The following ANKRD24 variants were observed in gnomAD, a reference collection of about 807,000 sequenced individuals.
The protein encoded by ANKRD24 is ankyrin repeat domain 24.
Under a neutral mutation model 127.8 loss-of-function variants are expected in ANKRD24, and 109 were observed. The ratio of observed to expected loss-of-function variants is 0.85; its 90% CI spans 0.73 to 1.00. ANKRD24 has a LOEUF of 1.00. Ranked by LOEUF, ANKRD24 falls within the 50% of genes least tolerant of loss-of-function variation. The probability of loss-of-function intolerance (pLI) is 0.00; values close to 1 mark genes in which losing one functional copy is unlikely to be tolerated. For synonymous variants in ANKRD24, 743 were observed against 671.1 expected (o/e 1.11, Z -1.66); for missense variants, 1,648 against 1,570.2 (o/e 1.05, Z -0.84).
chr19:4,200,626 C>G (rs772266118), intron 5 of ANKRD24, among the ~76,000 whole-genome samples: 2 of 152,032 alleles, frequency 1.3e-5, no homozygotes, highest in Non-Finnish European at 2.9e-5. Flanking sequence ...CTCAAGGGAT[C>G]CCCTCCAACC....
chr19:4,184,960 A>G (rs565661431), intron 1 of ANKRD24, among the ~76,000 whole-genome samples: 89 of 99,232 alleles, frequency 9.0e-4, no homozygotes, highest in African/African-American at 2.7e-3. Context: ...GGGTGGGTGG[A>G]TGGATGCACT....
Position 4,224,651 on chromosome 19 carries a change from C to A in ANKRD24, c.*146C>A. 1 of 752,396 alleles carries A rather than the reference C, an allele frequency of 1.3e-6. No individual in the cohort carries two copies. Among genetic ancestry groups the A allele is most frequent in the South Asian group, 1.7e-5 (1 of 59,428 alleles). The allele number at this position is 752,396 out of a possible 1,614,324, so 46.6% of individuals were successfully genotyped here. ...GAGACCAGCCTGGTTCCCTGCCCGA[C>A]CACCCCCAGCTGGCTCCATCACCCC... On this transcript the variant is annotated 3_prime_UTR_variant, in exon 22 of 22. Coordinates refer to ENST00000318934, the MANE Select transcript of ANKRD24 (RefSeq NM_001393985.1).
chr19:4,212,732 G>A (rs999202986), intron 15 of ANKRD24, 34 bp downstream of exon 15: 7 of 1,537,958 alleles, frequency 4.6e-6, no homozygotes, highest in Non-Finnish European at 2.6e-6. Flanking sequence ...CTGGGCTGGG[G>A]CTGGGTCGGG....
intron 7 of ANKRD24, among the ~76,000 whole-genome samples, chr19:4,205,324 T>C (rs908936511): frequency 3.9e-5 from 6 of 152,226 alleles, no homozygotes; most frequent in African/African-American, 1.4e-4. Flanking sequence ...AGATAAGGTT[T>C]GCAGCAATCA....
At chr19:4,196,512 T>C (rs1968750473) in intron 2 of ANKRD24, among the ~76,000 whole-genome samples, 1 of 152,120 alleles carries the variant, frequency 6.6e-6, no homozygotes, top group African/African-American at 2.4e-5. Context: ...GTAGCTGAGA[T>C]TACAGGCGCC....
Position 4,222,792 on chromosome 19 carries a change from G to T in ANKRD24, c.3294G>T (p.Leu1098=), listed in dbSNP as rs368547551. The change falls in exon 20 of 22, where the codon CTG becomes CTT. Residue 1098 remains leucine (L), a synonymous_variant. Transcript: ENST00000318934. ...RDQVKDLQQQ[L]QEAARDHSSV... is the part of the protein sequence containing the mutation. ...AGGTGAAGGATTTACAGCAGCAGCT[G>T]CAGGTAAGGACTGGGCCACGCAGGG... 6.2e-7 allele frequency: 1 copy of T among 1,607,106 alleles called. No homozygotes were observed. Among genetic ancestry groups the T allele is most frequent in the East Asian group, 2.2e-5 (1 of 44,570 alleles).
At chr19:4,194,974 A>T (rs1968615151) in intron 2 of ANKRD24, among the ~76,000 whole-genome samples, 1 of 150,212 alleles carries the variant, frequency 6.7e-6, no homozygotes, top group African/African-American at 2.4e-5. Flanking sequence ...TGATTGATTG[A>T]TTGATTTTTT....
intron 1 of ANKRD24, among the ~76,000 whole-genome samples, chr19:4,185,640 A>G (rs1381923975): frequency 1.3e-5 from 2 of 152,182 alleles, no homozygotes; most frequent in Non-Finnish European, 2.9e-5. Context: ...CCCACACTCA[A>G]CGTCACACAC....
intron 2 of ANKRD24, among the ~76,000 whole-genome samples, chr19:4,193,334 A>G (rs1481343886): frequency 2.0e-5 from 3 of 151,570 alleles, no homozygotes; most frequent in African/African-American, 7.3e-5. Context: ...TGAAGGAAAA[A>G]TATAGCTAAA....
chr19:4,224,325 GTGCAT>G (rs1207261247), intron 21 of ANKRD24, 98 bp from the exon 22 acceptor site: 18 of 1,436,516 alleles, frequency 1.3e-5, no homozygotes, highest in Admixed American at 1.9e-5. Context: ...GCCCCCCTGT[GTGCAT>G]TTCCCTCCTG....
chr19:4,216,071 G>A (rs750693166), intron 16 of ANKRD24, 21 bp downstream of exon 16: 104 of 1,575,140 alleles, frequency 6.6e-5, no homozygotes, highest in South Asian at 7.0e-5. Flanking sequence ...ACCTCCCCAC[G>A]CACTCCCAGC....
rs1376325235 is a variant in ANKRD24 at position 4,199,479 on chromosome 19, TG to T, written c.37-201del. On this transcript the variant is annotated intron_variant, in intron 2 of 21. Transcript: ENST00000318934. This position sits in a 1 kb window ranked among gnomAD's most constrained non-coding sequence, Gnocchi z 5.2. The stretch of plus-strand genomic sequence containing the variant: ...CTCCCACCTTGGCCTCCCCAGATGC[TG>T]GGACTACAGGCGTGAGCCTCCATGC... 1.0e-6 allele frequency: 1 copy of T among 984,884 alleles called. No individual in the cohort carries two copies. The highest frequency in any genetic ancestry group is 1.7e-5 in the African/African-American group (1 of 57,244). The allele number at this position is 984,884 out of a possible 1,614,324, so 61.0% of individuals were successfully genotyped here. A position where few individuals can be genotyped will look rare whatever the true frequency, so the allele number is the denominator to read the frequency against.
intron 2 of ANKRD24, among the ~76,000 whole-genome samples, chr19:4,189,089 C>CG (rs1455722979): frequency 6.6e-6 from 1 of 152,088 alleles, no homozygotes; most frequent in Admixed American, 6.6e-5. Flanking sequence ...GAATTACAGG[C>CG]GTGAGCCACT....
chr19:4,220,301 G>T (rs115314832), intron 19 of ANKRD24, among the ~76,000 whole-genome samples: 11,655 of 152,078 alleles, frequency 0.077, 1,305 homozygotes, highest in African/African-American at 0.25. Flanking sequence ...AGTGCTTACT[G>T]CATGCCAGGC....
At chr19:4,186,134 C>A in intron 1 of ANKRD24, 1 of 675,074 alleles carries the variant, frequency 1.5e-6, no homozygotes, top group Non-Finnish European at 2.2e-6. Flanking sequence ...AGGGACCATG[C>A]TGAAAACTGA....
In ANKRD24 at chr19:4,216,711, G is replaced by A; in HGVS notation, c.1551G>A (p.Glu517=). Residue 517 remains glutamate, a synonymous_variant, in exon 18 of 22, where the codon GAG becomes GAA. Coordinates refer to ENST00000318934, the MANE Select transcript of ANKRD24 (RefSeq NM_001393985.1). The part of the protein sequence containing the change: ...LQALRQQETR[E]VPREEGAACG... ...CCCTGAGGCAGCAGGAGACACGAGAGGTCCCCAGAGAAGAGGGGGCAGCCT... is the reference window on the plus strand; with the variant it reads ...CCCTGAGGCAGCAGGAGACACGAGAAGTCCCCAGAGAAGAGGGGGCAGCCT... 1 of 1,579,142 alleles carries A rather than the reference G, an allele frequency of 6.3e-7. No individual in the cohort carries two copies. Among genetic ancestry groups the A allele is most frequent in the African/African-American group, 1.3e-5 (1 of 74,140 alleles).
In ANKRD24 at chr19:4,216,649, G is replaced by C. The variant is rs535707460; in HGVS notation, c.1489G>C (p.Asp497His). Reference sequence around the variant, plus strand: ...CTATGACTCTCTCCGGGCCGAGTTTGACCAGCTACGCAGGCAGCACGCTGA... The same window carrying C: ...CTATGACTCTCTCCGGGCCGAGTTTCACCAGCTACGCAGGCAGCACGCTGA... ...ALYDSLRAEF[D>H]QLRRQHAEAL... Residue 497 changes from aspartate to histidine, a missense_variant, in exon 18 of 22, where the codon GAC (aspartate) becomes CAC (histidine). Physicochemically the swap from Asp to His is moderately conservative, Grantham distance 81. Transcript: ENST00000318934. 8.2e-5 allele frequency: 131 copies of C among 1,604,520 alleles called. 1 individual carries two copies. The South Asian group carries it at 1.4e-3, about 17-fold the overall frequency.
chr19:4,222,564 C>A, intron 19 of ANKRD24, 106 bp from the exon 20 acceptor site: 1 of 1,346,138 alleles, frequency 7.4e-7, no homozygotes, highest in African/African-American at 1.5e-5. Context: ...GGGACGGGAC[C>A]TTCCCTTGAA....
Position 4,224,431 on chromosome 19 carries a change from C to A in ANKRD24, c.3367C>A (p.Gln1123Lys). 6.2e-7 allele frequency: 1 copy of A among 1,613,380 alleles called. No homozygotes were observed. Among genetic ancestry groups the A allele is most frequent in the Non-Finnish European group, 8.5e-7 (1 of 1,179,704 alleles). The change falls in exon 22 of 22, where the codon CAG (glutamine) becomes AAG (lysine). Residue 1123 changes from glutamine to lysine, a missense_variant. Gln to Lys is a moderately conservative substitution (Grantham distance 53). Coordinates refer to ENST00000318934, the MANE Select transcript of ANKRD24 (RefSeq NM_001393985.1). ...RSHLLYAIQG[Q>K]MDEDVQRILS... is the part of the protein sequence containing the mutation. ...TCCTCTACTCCCCCAACCCTAGGGCCAGATGGATGAAGATGTGCAGCGGAT... is the reference window on the plus strand; with the variant it reads ...TCCTCTACTCCCCCAACCCTAGGGCAAGATGGATGAAGATGTGCAGCGGAT...
Sources: gnomAD v4.1 joint callset for allele counts (sites outside exome capture counted in the v4.1 genomes callset) on GRCh38, gnomAD v4.1.1 for gene constraint, Gnocchi (gnomAD v3.1) non-coding constraint, MANE v1.5 for transcripts, NCBI Gene and HGNC (gene_info 2026-07-23, HGNC 2026-07-21) for gene names.